MSRA: variants seen among roughly 807,000 people sequenced by gnomAD.
MSRA encodes the protein methionine sulfoxide reductase A, also known as mitochondrial peptide methionine sulfoxide reductase.
A neutral mutation model predicts 31.3 loss-of-function variants in MSRA; 54 were observed. That is an observed-to-expected ratio of 1.73 (90% confidence interval 1.39 to 2.17). The LOEUF (loss-of-function observed/expected upper bound fraction) is 2.17, where lower values mean the gene tolerates loss of function less well. Ranked by LOEUF, MSRA falls within the 30% of genes most tolerant of loss-of-function variation. MSRA has a pLI of 0.00. For missense variants in MSRA, 507 were observed against 300.9 expected, an observed-to-expected ratio of 1.69 and a Z score of -5.07; for synonymous variants, 169 against 116.5, an observed-to-expected ratio of 1.45 and a Z score of -2.90.
At chr8:10,417,421 C>CACACACACACAT (rs1808528383) in intron 5 of MSRA, among the ~76,000 whole-genome samples, 3 of 150,068 alleles carry the variant, frequency 2.0e-5, no homozygotes, top group African/African-American at 7.5e-5. Context: ...CGTCAGAAGA[C>CACACACACACAT]ACACACACAC....
chr8:10,220,523 C>G (rs1326745630), intron 2 of MSRA, among the ~76,000 whole-genome samples: 3 of 152,188 alleles, frequency 2.0e-5, no homozygotes, highest in African/African-American at 7.2e-5. Context: ...ACTGTGTTTT[C>G]TTAGGAAAAG....
intron 2 of MSRA, 25 bp downstream of exon 2, chr8:10,207,926 A>T (rs778321066): frequency 7.5e-6 from 12 of 1,594,886 alleles, no homozygotes; most frequent in African/African-American, 4.0e-5. Flanking sequence ...CTGAAAGAAA[A>T]CCCAAATTGT....
At chr8:10,093,108 A>G (rs895000050) in intron 1 of MSRA, among the ~76,000 whole-genome samples, 1 of 152,074 alleles carries the variant, frequency 6.6e-6, no homozygotes, top group Non-Finnish European at 1.5e-5. Context: ...GACAGCATAT[A>G]GTTGAATTTT....
At chr8:10,301,455 T>C (rs573299726) in intron 3 of MSRA, 79 bp from the exon 4 acceptor site, 1 of 1,094,512 alleles carries the variant, frequency 9.1e-7, no homozygotes, top group African/African-American at 1.6e-5. Context: ...TTTTGTCTGT[T>C]GTTTTTTTTG....
At chr8:10,195,709 TTTC>T (rs1807913479) in intron 1 of MSRA, among the ~76,000 whole-genome samples, 1 of 152,228 alleles carries the variant, frequency 6.6e-6, no homozygotes, top group Non-Finnish European at 1.5e-5. Flanking sequence ...TGATTCCTCT[TTTC>T]TTCTTAAAGT....
intron 1 of MSRA, among the ~76,000 whole-genome samples, chr8:10,125,678 G>A (rs974514855): frequency 2.0e-5 from 3 of 152,310 alleles, no homozygotes; most frequent in East Asian, 3.9e-4. Flanking sequence ...ACAGTCAGCC[G>A]AAAGTCTCTC....
intron 5 of MSRA, among the ~76,000 whole-genome samples, chr8:10,351,087 C>T (rs529824892): frequency 2.0e-4 from 30 of 152,276 alleles, no homozygotes; most frequent in African/African-American, 6.0e-4. Context: ...GTGAGTCAGA[C>T]GACGTCCTGC....
chr8:10,088,585 A>G (rs146149298), intron 1 of MSRA, among the ~76,000 whole-genome samples: 7 of 152,274 alleles, frequency 4.6e-5, no homozygotes, highest in African/African-American at 1.2e-4. Flanking sequence ...ACATACAAAA[A>G]TTAGCTGAGT....
intron 5 of MSRA, among the ~76,000 whole-genome samples, chr8:10,336,062 G>A (rs1218556144): frequency 6.6e-6 from 1 of 152,130 alleles, no homozygotes; most frequent in Non-Finnish European, 1.5e-5. Flanking sequence ...ATGGGCTCTA[G>A]GAGGAAGATC....
chr8:10,257,579 T>A (rs867111504), intron 3 of MSRA, among the ~76,000 whole-genome samples: 6 of 152,152 alleles, frequency 3.9e-5, no homozygotes, highest in Non-Finnish European at 8.8e-5. Flanking sequence ...AGTAGTTTTT[T>A]GTATTTTTAG....
intron 5 of MSRA, among the ~76,000 whole-genome samples, chr8:10,376,562 T>G (rs80229702): frequency 5.3e-5 from 8 of 152,172 alleles, no homozygotes; most frequent in African/African-American, 1.9e-4. Flanking sequence ...AAATGATAAA[T>G]AACTTATTCC....
At chr8:10,286,024 A>C (rs1431351314) in intron 3 of MSRA, among the ~76,000 whole-genome samples, 1 of 152,138 alleles carries the variant, frequency 6.6e-6, no homozygotes, top group African/African-American at 2.4e-5. Flanking sequence ...TTCTTGGTGC[A>C]GGCATGTCAG....
chr8:10,287,180 A>G (rs1799981566), intron 3 of MSRA, among the ~76,000 whole-genome samples: 1 of 152,176 alleles, frequency 6.6e-6, no homozygotes. Context: ...GTCTGCATCT[A>G]TACGAAGTCA....
chr8:10,283,588 C>T (rs536887954), intron 3 of MSRA, among the ~76,000 whole-genome samples: 2 of 151,504 alleles, frequency 1.3e-5, no homozygotes, highest in East Asian at 3.9e-4. Context: ...TCTCTCACCC[C>T]CTTCCTCCTC....
chr8:10,261,787 A>G (rs1158849750), intron 3 of MSRA, among the ~76,000 whole-genome samples: 3 of 152,180 alleles, frequency 2.0e-5, no homozygotes, highest in Non-Finnish European at 4.4e-5. Flanking sequence ...TGACAATTGT[A>G]TAATACGTGT....
rs539314020 is a variant in MSRA, at chr8:10,120,055, CTG to C, written c.142+65400_142+65401del. 5.4e-3 allele frequency among the ~76,000 whole-genome samples: 825 copies of C among 152,244 alleles called. 10 individuals carry two copies. Among genetic ancestry groups the C allele is most frequent in the African/African-American group, 0.018 (750 of 41,536 alleles). On this transcript the variant is annotated intron_variant, in intron 1 of 5. Coordinates refer to ENST00000317173, the MANE Select transcript of MSRA (RefSeq NM_012331.5). ...GTAGAGGAACTCAGCCACTGCCAAA[CTG>C]TGGAAAGAGGGCTGGGGGAAGAAAT...
At chr8:10,266,782 G>A (rs959345529) in intron 3 of MSRA, among the ~76,000 whole-genome samples, 17 of 152,082 alleles carry the variant, frequency 1.1e-4, no homozygotes, top group African/African-American at 3.4e-4. Flanking sequence ...GTGTAATATA[G>A]CAAAAGGCAC....
chr8:10,129,929 C>T (rs1251478183), intron 1 of MSRA, among the ~76,000 whole-genome samples: 1 of 152,088 alleles, frequency 6.6e-6, no homozygotes, highest in Non-Finnish European at 1.5e-5. Context: ...TATATAAAAC[C>T]TGTGACATAA....
chr8:10,303,723 A>G (rs931725100), intron 4 of MSRA, among the ~76,000 whole-genome samples: 1 of 152,178 alleles, frequency 6.6e-6, no homozygotes, highest in Non-Finnish European at 1.5e-5. Flanking sequence ...GGAAGAGGTA[A>G]GGAAGGGCAG....
Sources: allele counts gnomAD v4.1 joint callset (sites outside exome capture counted in the v4.1 genomes callset), GRCh38; gene constraint gnomAD v4.1.1; transcripts MANE v1.5; gene names NCBI Gene and HGNC (gene_info 2026-07-23, HGNC 2026-07-21).